PARD3B: variants seen among roughly 807,000 people sequenced by gnomAD.
PARD3B encodes partitioning defective 3 homolog B.
A neutral mutation model predicts 130.2 loss-of-function variants in PARD3B; 103 were observed. The ratio of observed to expected loss-of-function variants is 0.79; its 90% confidence interval spans 0.67 to 0.93. The LOEUF (loss-of-function observed/expected upper bound fraction) is 0.93. Ranked by LOEUF, PARD3B falls within the 40% of genes least tolerant of loss-of-function variation. The probability of loss-of-function intolerance (pLI) is 0.00; values close to 1 mark genes in which losing one functional copy is unlikely to be tolerated. For missense variants in PARD3B, 1,609 were observed against 1,499.2 expected (o/e 1.07, Z -1.21); for synonymous variants, 583 against 553.2 (o/e 1.05, Z -0.76).
intron 1 of PARD3B, among the ~76,000 whole-genome samples, chr2:204,608,792 T>C (rs1473951383): frequency 1.3e-5 from 2 of 152,156 alleles, no homozygotes; most frequent in Non-Finnish European, 2.9e-5. Context: ...GTGATGATAT[T>C]GGGGAAGCTG....
intron 2 of PARD3B, among the ~76,000 whole-genome samples, chr2:204,903,270 A>T (rs1004079841): frequency 1.3e-5 from 2 of 152,256 alleles, no homozygotes; most frequent in African/African-American, 4.8e-5. Context: ...CTTGAATAAA[A>T]TAGAACTTTC....
In PARD3B at chr2:204,691,949, T is replaced by C. The variant is rs145418657; in HGVS notation, c.222+5667T>C. ...TGATTAAACTGGAAATGAGAATCCT[T>C]TTATCAGAACATATTATTTGGTAAC... On this transcript the variant is annotated intron_variant, in intron 2 of 22. Coordinates refer to ENST00000406610, the MANE Select transcript of PARD3B (RefSeq NM_001302769.2). Among the ~76,000 whole-genome samples the C allele has an allele frequency of 1.2e-3, 190 of 152,230 alleles. 1 individual carries two copies. Among genetic ancestry groups the C allele is most frequent in the African/African-American group, 4.5e-3 (185 of 41,552 alleles).
At chr2:205,418,705 T>C (rs554629506) in intron 19 of PARD3B, among the ~76,000 whole-genome samples, 13 of 152,298 alleles carry the variant, frequency 8.5e-5, no homozygotes, top group African/African-American at 2.4e-4. Flanking sequence ...ATACATGATA[T>C]TTTTGCTGCT....
intron 16 of PARD3B, among the ~76,000 whole-genome samples, chr2:205,295,891 T>C (rs1260621255): frequency 3.3e-5 from 5 of 152,188 alleles, no homozygotes; most frequent in African/African-American, 1.2e-4. Flanking sequence ...AGAAGAAATG[T>C]AAGGCATTGT....
rs186241670 is a variant in PARD3B at position 204,886,388 on chromosome 2, C to T, written c.223-78764C>T. The stretch of plus-strand genomic sequence containing the variant: ...GACATCAAGAAAGCTGTCACCATTG[C>T]CCTAGCACCAGTGTCTCCAGTAAAT... On this transcript the variant is annotated intron_variant, in intron 2 of 22. Coordinates refer to ENST00000406610, the MANE Select transcript of PARD3B (RefSeq NM_001302769.2). 3.2e-3 allele frequency among the ~76,000 whole-genome samples: 489 copies of T among 152,282 alleles called. 2 individuals carry two copies. The highest frequency in any genetic ancestry group is 0.011 in the African/African-American group (474 of 41,570).
rs1479899286 is a variant in PARD3B, at chr2:205,522,929, CTTAT to C, written c.3180+22901_3180+22904del. 3.9e-5 allele frequency among the ~76,000 whole-genome samples: 6 copies of C among 152,036 alleles called. No individual in the cohort carries two copies. The East Asian group carries it at 1.2e-3, about 29-fold the overall frequency. ...TATATTGTTTTTGATATTGTAAATA[CTTAT>C]TTGTCACTTTTTATCTGTTAAACAC... On this transcript the variant is annotated intron_variant, in intron 21 of 22. Transcript: ENST00000406610.
intron 3 of PARD3B, among the ~76,000 whole-genome samples, chr2:205,002,224 A>C (rs1305852582): frequency 6.6e-6 from 1 of 152,170 alleles, no homozygotes; most frequent in African/African-American, 2.4e-5. Context: ...GCCGTCTCTC[A>C]AACAGCCCTG....
intron 15 of PARD3B, among the ~76,000 whole-genome samples, chr2:205,223,116 G>A (rs2038330454): frequency 6.6e-6 from 1 of 152,096 alleles, no homozygotes; most frequent in Admixed American, 6.5e-5. Flanking sequence ...ATCTAAACAT[G>A]TGAGATCAGC....
chr2:205,549,067 ATATGAC>A (rs1312746242), intron 21 of PARD3B, among the ~76,000 whole-genome samples: 2 of 152,164 alleles, frequency 1.3e-5, no homozygotes, highest in Non-Finnish European at 2.9e-5. Context: ...CAGCAATGAG[ATATGAC>A]TACACACCTA....
chr2:205,007,588 G>A (rs1254318957), intron 3 of PARD3B, among the ~76,000 whole-genome samples: 1 of 152,162 alleles, frequency 6.6e-6, no homozygotes, highest in Non-Finnish European at 1.5e-5. Context: ...TAGCCTTGTA[G>A]TGTAATTGGA....
chr2:205,398,819 G>A (rs1197447437), intron 18 of PARD3B, among the ~76,000 whole-genome samples: 2 of 152,142 alleles, frequency 1.3e-5, no homozygotes, highest in Non-Finnish European at 2.9e-5. Flanking sequence ...ACATGTGCTT[G>A]TTTTATGATT....
intron 2 of PARD3B, among the ~76,000 whole-genome samples, chr2:204,825,097 C>T (rs2043518233): frequency 6.6e-6 from 1 of 152,162 alleles, no homozygotes; most frequent in African/African-American, 2.4e-5. Context: ...TTGTCCAAGT[C>T]CTGACTGTTC....
rs2041188356 is a variant in PARD3B, at chr2:205,281,512, A to G, written c.2186-19018A>G. ...GGGAGATGCAGTATTTCTGTCCCAA[A>G]GTCCCAGGCACACCCTTAATCTCTG... On this transcript the variant is annotated intron_variant, in intron 16 of 22. Transcript: ENST00000406610. This position sits in a 1 kb window ranked among gnomAD's most constrained non-coding sequence, Gnocchi z 4.2. 6.6e-6 allele frequency among the ~76,000 whole-genome samples: 1 copy of G among 152,192 alleles called. No individual in the cohort carries two copies. Among genetic ancestry groups the G allele is most frequent in the South Asian group, 2.1e-4 (1 of 4,834 alleles).
At chr2:204,546,408 TTA>T (rs2029935121) in intron 1 of PARD3B, among the ~76,000 whole-genome samples, 4 of 152,110 alleles carry the variant, frequency 2.6e-5, no homozygotes, top group Admixed American at 2.6e-4. Flanking sequence ...GATCTGCTCT[TTA>T]ACGAGATCCC....
chr2:205,002,118 C>T (rs1694891736), intron 3 of PARD3B, among the ~76,000 whole-genome samples: 1 of 152,206 alleles, frequency 6.6e-6, no homozygotes. Flanking sequence ...TGTCAATTCC[C>T]TTAAAGCTTG....
At chr2:204,806,437 G>A (rs180791738) in intron 2 of PARD3B, among the ~76,000 whole-genome samples, 1 of 152,270 alleles carries the variant, frequency 6.6e-6, no homozygotes, top group African/African-American at 2.4e-5. Flanking sequence ...ATATTTATAT[G>A]TAGAAGAATG....
chr2:204,694,719 G>T (rs184474119), intron 2 of PARD3B, among the ~76,000 whole-genome samples: 2 of 152,042 alleles, frequency 1.3e-5, no homozygotes, highest in Non-Finnish European at 2.9e-5. Context: ...TTAAACTACA[G>T]TAATCTTGAT....
intron 10 of PARD3B, among the ~76,000 whole-genome samples, chr2:205,143,018 T>G (rs1171900775): frequency 2.0e-5 from 3 of 152,148 alleles, no homozygotes; most frequent in Non-Finnish European, 4.4e-5. Context: ...CCTGTGCTGA[T>G]AAGGTCAGGG....
intron 4 of PARD3B, among the ~76,000 whole-genome samples, chr2:205,069,038 A>T (rs780921905): frequency 6.6e-6 from 1 of 151,880 alleles, no homozygotes; most frequent in Non-Finnish European, 1.5e-5. Context: ...CAAATATTCG[A>T]TATACCTACC....
Sources: allele counts gnomAD v4.1 joint callset (sites outside exome capture counted in the v4.1 genomes callset), GRCh38; gene constraint gnomAD v4.1.1; non-coding constraint Gnocchi (gnomAD v3.1); transcripts MANE v1.5; gene names NCBI Gene and HGNC (gene_info 2026-07-23, HGNC 2026-07-21).